The following AGBL1 variants were observed in gnomAD, a reference collection of about 807,000 sequenced individuals.
AGBL1 encodes the protein cytosolic carboxypeptidase 4.
In AGBL1, 130 loss-of-function variants were observed where a neutral mutation model predicts 118.9. The observed-to-expected ratio is 1.09, with a 90% CI of 0.95 to 1.26. The LOEUF is 1.26. Ranked by LOEUF, AGBL1 falls within the 50% of genes most tolerant of loss-of-function variation. The pLI, the probability that AGBL1 is intolerant of heterozygous loss-of-function variation, is 0.00. For missense variants in AGBL1, 1,584 were observed against 1,298.1 expected (o/e 1.22, Z -3.38); for synonymous variants, 555 against 478.9 (o/e 1.16, Z -2.08).
At chr15:86,394,094 G>C (rs2081328075) in intron 17 of AGBL1, among the ~76,000 whole-genome samples, 1 of 152,104 alleles carries the variant, frequency 6.6e-6, no homozygotes, top group Admixed American at 6.6e-5. Flanking sequence ...TGCTATGGAA[G>C]CCCAGAAAAA....
At chr15:86,272,086 A>G (rs532635464) in intron 15 of AGBL1, among the ~76,000 whole-genome samples, 2 of 152,276 alleles carry the variant, frequency 1.3e-5, no homozygotes, top group South Asian at 2.1e-4. Context: ...TCCTGTTTCT[A>G]TCCACCCCGT....
At chr15:86,474,665 C>T (rs2082528716) in intron 18 of AGBL1, among the ~76,000 whole-genome samples, 1 of 152,090 alleles carries the variant, frequency 6.6e-6, no homozygotes, top group African/African-American at 2.4e-5. Context: ...CATAGCCAAA[C>T]AAAAGGCAGC....
intron 17 of AGBL1, among the ~76,000 whole-genome samples, chr15:86,332,633 G>A (rs1257452949): frequency 3.1e-5 from 4 of 130,404 alleles, no homozygotes; most frequent in Admixed American, 2.4e-4. Flanking sequence ...GCGACAGAGT[G>A]AGACTCCATC....
At chr15:86,887,133 A>G (rs2141546747) in intron 22 of AGBL1, among the ~76,000 whole-genome samples, 1 of 152,344 alleles carries the variant, frequency 6.6e-6, no homozygotes, top group Admixed American at 6.5e-5. Flanking sequence ...AACATAATTT[A>G]TTAAAACAAA....
At chr15:86,330,393 A>C (rs1466951372) in intron 17 of AGBL1, among the ~76,000 whole-genome samples, 4 of 152,186 alleles carry the variant, frequency 2.6e-5, no homozygotes, top group Non-Finnish European at 5.9e-5. Flanking sequence ...AAACCCAAAA[A>C]CTCTGCCTAG....
At chr15:86,715,820 AG>A (rs1233251763) in intron 22 of AGBL1, among the ~76,000 whole-genome samples, 3 of 152,154 alleles carry the variant, frequency 2.0e-5, no homozygotes, top group East Asian at 3.8e-4. Flanking sequence ...GCACTTTGGG[AG>A]GCTGAGGCGG....
rs1292339708 is a variant in AGBL1, at chr15:86,827,420, T to C, written c.3159-79667T>C. On this transcript the variant is annotated intron_variant, in intron 22 of 22. Coordinates refer to ENST00000614907, the MANE Select transcript of AGBL1 (RefSeq NM_001386094.1). ...ATACATATATATATGTGTATATATA[T>C]ATATATATACACATATATATATGTG... Among the ~76,000 whole-genome samples, 16 of 8,060 alleles carry C rather than the reference T, an allele frequency of 2.0e-3. 1 individual carries two copies. Among genetic ancestry groups the C allele is most frequent in the Admixed American group, 5.0e-3 (2 of 404 alleles). The allele number at this position is 8,060 out of a possible 152,430, so 5.3% of individuals were successfully genotyped here.
intron 5 of AGBL1, among the ~76,000 whole-genome samples, chr15:86,170,828 T>A (rs905877011): frequency 6.6e-6 from 1 of 150,844 alleles, no homozygotes; most frequent in Non-Finnish European, 1.5e-5. Flanking sequence ...CCTGGGCGAC[T>A]GAGCAAGACT....
intron 23 of AGBL1, among the ~76,000 whole-genome samples, chr15:86,925,185 G>A (rs111509633): frequency 0.19 from 5,367 of 27,804 alleles, 397 homozygotes; most frequent in African/African-American, 0.31. Context: ...AAGAGGAAGA[G>A]GAAGAAAAGA....
chr15:86,793,926 C>A (rs1211721469), intron 22 of AGBL1, among the ~76,000 whole-genome samples: 1 of 152,006 alleles, frequency 6.6e-6, no homozygotes, highest in Non-Finnish European at 1.5e-5. Context: ...ATTAAGATGA[C>A]CATAATAAAA....
chr15:86,899,239 C>T (rs969790260), intron 22 of AGBL1, among the ~76,000 whole-genome samples: 5 of 152,088 alleles, frequency 3.3e-5, no homozygotes, highest in African/African-American at 1.2e-4. Flanking sequence ...TTTGTGGGAA[C>T]GTGGATGGAG....
chr15:86,753,229 C>G (rs1363794118), intron 22 of AGBL1, among the ~76,000 whole-genome samples: 3 of 151,866 alleles, frequency 2.0e-5, no homozygotes, highest in Non-Finnish European at 4.4e-5. Flanking sequence ...CATGGTTTTT[C>G]TGGCTCAATC....
intron 22 of AGBL1, among the ~76,000 whole-genome samples, chr15:86,842,766 T>C (rs781134937): frequency 5.9e-5 from 9 of 152,186 alleles, no homozygotes; most frequent in Non-Finnish European, 1.0e-4. Flanking sequence ...GGAGAACACA[T>C]TCTTTCTCTC....
intron 22 of AGBL1, among the ~76,000 whole-genome samples, chr15:86,680,531 TTTTTC>T (rs1360181923): frequency 5.3e-5 from 8 of 151,288 alleles, no homozygotes; most frequent in Non-Finnish European, 1.0e-4. Context: ...CTGTTTTTTC[TTTTTC>T]TTTTCTTTTT....
chr15:86,097,941 A>G (rs1896484053), intron 1 of AGBL1, among the ~76,000 whole-genome samples: 1 of 152,128 alleles, frequency 6.6e-6, no homozygotes, highest in African/African-American at 2.4e-5. Flanking sequence ...CACCAAATGC[A>G]TATGAGTTAA....
At chr15:86,130,037 G>A (rs1009174699) in intron 1 of AGBL1, among the ~76,000 whole-genome samples, 1 of 152,136 alleles carries the variant, frequency 6.6e-6, no homozygotes, top group Non-Finnish European at 1.5e-5. Flanking sequence ...TCATGGTGCC[G>A]TCTTAAGTTA....
intron 21 of AGBL1, among the ~76,000 whole-genome samples, chr15:86,568,050 A>C (rs12595601): frequency 0.12 from 17,503 of 152,140 alleles, 1,494 homozygotes; most frequent in African/African-American, 0.24. Context: ...AATTCTCCTT[A>C]TGCTCCCACT....
chr15:86,657,665 C>T (rs1427478911), intron 21 of AGBL1, among the ~76,000 whole-genome samples: 1 of 152,188 alleles, frequency 6.6e-6, no homozygotes, highest in Non-Finnish European at 1.5e-5. Context: ...GCTGTGTCCT[C>T]TATGGATAAT....
At chr15:86,592,670 T>G (rs2084354308) in intron 21 of AGBL1, among the ~76,000 whole-genome samples, 1 of 152,190 alleles carries the variant, frequency 6.6e-6, no homozygotes, top group Admixed American at 6.5e-5. Flanking sequence ...ACAGTTAAAC[T>G]TTGCCATTTT....
Sources: allele counts gnomAD v4.1 joint callset (sites outside exome capture counted in the v4.1 genomes callset), GRCh38; gene constraint gnomAD v4.1.1; transcripts MANE v1.5; gene names NCBI Gene and HGNC (gene_info 2026-07-23, HGNC 2026-07-21).